The following DPY19L3 variants were observed in gnomAD, a reference collection of about 807,000 sequenced individuals.
The protein encoded by DPY19L3 is dpy-19 like C-mannosyltransferase 3.
A neutral mutation model predicts 92.3 loss-of-function variants in DPY19L3; 51 were observed. The observed-to-expected ratio is 0.55, with a 90% confidence interval of 0.44 to 0.70. The LOEUF is 0.70. Ranked by LOEUF, DPY19L3 falls within the 30% of genes least tolerant of loss-of-function variation. DPY19L3 has a pLI of 0.00. For missense variants in DPY19L3, 706 were observed against 855.9 expected, an observed-to-expected ratio of 0.82 and a Z score of 2.18; for synonymous variants, 309 against 315.2, an observed-to-expected ratio of 0.98 and a Z score of 0.21.
At chr19:32,469,614 A>G (rs1301172976) in intron 16 of DPY19L3, among the ~76,000 whole-genome samples, 1 of 152,164 alleles carries the variant, frequency 6.6e-6, no homozygotes, top group Non-Finnish European at 1.5e-5. Context: ...ATGTTAACTC[A>G]TCATATTGCC....
At position 32,483,493 on chromosome 19, in the gene DPY19L3, C is replaced by T. The variant is rs950569922; in HGVS notation, c.*1253C>T. 3 of 152,606 alleles carry T rather than the reference C, an allele frequency of 2.0e-5. No individual in the cohort carries two copies. The highest frequency in any genetic ancestry group is 4.4e-5 in the Non-Finnish European group (3 of 68,024). 9.5% of individuals were successfully genotyped at this position (152,606 alleles called of 1,614,324 possible). On this transcript the variant is annotated 3_prime_UTR_variant, in exon 19 of 19. Transcript: ENST00000392250. ...CAAGATGGCTAATGGAATTAACTTTCTCCCCTGTTCTTGCCAGGTGGAAAT... is the reference window on the plus strand; with the variant it reads ...CAAGATGGCTAATGGAATTAACTTTTTCCCCTGTTCTTGCCAGGTGGAAAT...
At chr19:32,465,503 A>G (rs1970173640) in intron 15 of DPY19L3, among the ~76,000 whole-genome samples, 1 of 151,842 alleles carries the variant, frequency 6.6e-6, no homozygotes, top group Non-Finnish European at 1.5e-5. Context: ...TATTAAGTTT[A>G]TATTTTTTTT....
chr19:32,468,611 T>C (rs1970264247), intron 15 of DPY19L3, 120 bp from the exon 16 acceptor site: 1 of 1,412,162 alleles, frequency 7.1e-7, no homozygotes, highest in Non-Finnish European at 9.3e-7. Context: ...TATATTCCAG[T>C]AGCTATGTTT....
chr19:32,461,852 G>C (rs1021490181), intron 12 of DPY19L3, among the ~76,000 whole-genome samples: 1 of 152,148 alleles, frequency 6.6e-6, no homozygotes, highest in Non-Finnish European at 1.5e-5. Context: ...TAAAGTCACT[G>C]ATCAGTCTTA....
chr19:32,414,767 C>G (rs912846173), intron 3 of DPY19L3, among the ~76,000 whole-genome samples: 1 of 152,192 alleles, frequency 6.6e-6, no homozygotes, highest in Non-Finnish European at 1.5e-5. Flanking sequence ...GATCATATAA[C>G]TTAATTATAA....
At chr19:32,418,531 T>G (rs1238259569) in intron 3 of DPY19L3, among the ~76,000 whole-genome samples, 3 of 152,192 alleles carry the variant, frequency 2.0e-5, no homozygotes, top group Non-Finnish European at 4.4e-5. Flanking sequence ...TATGTACATA[T>G]TTTCTGTAAA....
intron 3 of DPY19L3, among the ~76,000 whole-genome samples, chr19:32,422,088 G>A (rs374040055): frequency 2.6e-5 from 4 of 152,264 alleles, no homozygotes; most frequent in African/African-American, 7.2e-5. Context: ...GTAAGAACTT[G>A]CCACATTCTG....
At chr19:32,480,642 C>T (rs1273771619) in intron 18 of DPY19L3, 85 bp downstream of exon 18, 1 of 1,444,528 alleles carries the variant, frequency 6.9e-7, no homozygotes, top group African/African-American at 1.4e-5. Context: ...ATCTTTTTAT[C>T]CTTAATGTCT....
rs764065539 is a variant in DPY19L3 at position 32,480,495 on chromosome 19, T to C, written c.1927T>C (p.Tyr643His). Residue 643 changes from tyrosine (Y) to histidine (H), a missense_variant, in exon 18 of 19, where the codon TAC becomes CAC. By Grantham distance (83) the Tyr-to-His change is moderately conservative. Transcript: ENST00000392250. Reference protein sequence around the residue: ...DYVILEDSICYERRHRRGCRL... With the variant: ...DYVILEDSICHERRHRRGCRL... ...CGTAATCCTGGAAGACAGCATCTGC[T>C]ACGAGCGGAGGCACCGCCGGGGCTG... The C allele has an allele frequency of 3.1e-6, 5 of 1,614,208 alleles. No individual in the cohort carries two copies. The South Asian group carries it at 5.5e-5, about 18-fold the overall frequency.
intron 8 of DPY19L3, among the ~76,000 whole-genome samples, chr19:32,446,386 A>G (rs561337793): frequency 8.5e-5 from 13 of 152,356 alleles, no homozygotes; most frequent in Middle Eastern, 3.4e-3. Flanking sequence ...AAATAGCAAT[A>G]ATTACATTAA....
intron 8 of DPY19L3, among the ~76,000 whole-genome samples, chr19:32,444,412 A>G (rs1230875095): frequency 6.6e-6 from 1 of 152,184 alleles, no homozygotes; most frequent in Non-Finnish European, 1.5e-5. Flanking sequence ...AATCTGAACA[A>G]CAAGAAAAAA....
chr19:32,421,224 T>C (rs912349029), intron 3 of DPY19L3, among the ~76,000 whole-genome samples: 4 of 152,236 alleles, frequency 2.6e-5, no homozygotes, highest in African/African-American at 9.6e-5. Context: ...AATGTAGTGG[T>C]ATCAGTTCCT....
intron 12 of DPY19L3, among the ~76,000 whole-genome samples, chr19:32,461,403 A>G (rs1006647179): frequency 2.0e-5 from 3 of 152,242 alleles, no homozygotes; most frequent in African/African-American, 4.8e-5. Context: ...TGGCTGGGCT[A>G]TGGGGGAGGT....
At chr19:32,447,767 AGAT>A (rs1377336740) in intron 8 of DPY19L3, among the ~76,000 whole-genome samples, 5 of 138,168 alleles carry the variant, frequency 3.6e-5, no homozygotes, top group African/African-American at 1.4e-4. Flanking sequence ...ATAGATAGAT[AGAT>A]AGATAGATTA....
intron 17 of DPY19L3, 111 bp from the exon 18 acceptor site, chr19:32,480,288 C>G (rs920638975): frequency 9.7e-6 from 12 of 1,235,634 alleles, no homozygotes; most frequent in Non-Finnish European, 1.3e-5. Flanking sequence ...CTGGAGAGAG[C>G]ACCTTGGGTG....
intron 3 of DPY19L3, among the ~76,000 whole-genome samples, chr19:32,421,228 A>G (rs1297369854): frequency 6.6e-6 from 1 of 152,244 alleles, no homozygotes; most frequent in Non-Finnish European, 1.5e-5. Context: ...TAGTGGTATC[A>G]GTTCCTTCTT....
chr19:32,408,858 ATGGT>A (rs1234094286), intron 2 of DPY19L3, among the ~76,000 whole-genome samples: 8 of 151,746 alleles, frequency 5.3e-5, no homozygotes, highest in Admixed American at 3.3e-4. Context: ...TGTTTGTATA[ATGGT>A]AAAGACTTGC....
chr19:32,421,040 C>T (rs1968551340), intron 3 of DPY19L3, among the ~76,000 whole-genome samples: 1 of 152,126 alleles, frequency 6.6e-6, no homozygotes, highest in Non-Finnish European at 1.5e-5. Flanking sequence ...TATACATTTT[C>T]ACAAAACTTT....
rs929793082 is a variant in DPY19L3, at chr19:32,463,936, T to C, written c.1513T>C (p.Trp505Arg). 9.3e-6 allele frequency: 15 copies of C among 1,613,380 alleles called. No individual in the cohort carries two copies. The highest frequency in any genetic ancestry group is 1.6e-4 in the Middle Eastern group (1 of 6,082). Residue 505 changes from tryptophan to arginine, a missense_variant, in exon 14 of 19, where the codon TGG (tryptophan) becomes CGG (arginine). Coordinates refer to ENST00000392250, the MANE Select transcript of DPY19L3 (RefSeq NM_001172774.2). ...ASFGLCSPEI[W>R]ELLLKSVHLY... is the part of the protein sequence containing the mutation. ...ATTCGGCCTATGTAGCCCTGAAATA[T>C]GGGAGTTACTTCTGAAGTCAGTCCA...
Sources: gnomAD v4.1 joint callset for allele counts (sites outside exome capture counted in the v4.1 genomes callset) on GRCh38, gnomAD v4.1.1 for gene constraint, MANE v1.5 for transcripts, NCBI Gene and HGNC (gene_info 2026-07-23, HGNC 2026-07-21) for gene names.